The following ZFPM2 variants were observed in gnomAD, a reference collection of about 807,000 sequenced individuals.
The protein encoded by ZFPM2 is zinc finger protein, FOG family member 2, also known as zinc finger protein ZFPM2.
ZFPM2 carries 20 observed loss-of-function variants against 98.6 expected under a neutral mutation model. That is an observed-to-expected ratio of 0.20 (90% CI 0.14 to 0.29). The LOEUF is 0.29. ZFPM2 is among the 10% of genes least tolerant of loss of function. The pLI is 1.00. For missense variants in ZFPM2, 1,310 were observed against 1,388.6 expected, an observed-to-expected ratio of 0.94 and a Z score of 0.90; for synonymous variants, 518 against 502.7, an observed-to-expected ratio of 1.03 and a Z score of -0.41.
At chr8:105,592,007 T>G (rs941724731) in intron 4 of ZFPM2, among the ~76,000 whole-genome samples, 4 of 152,132 alleles carry the variant, frequency 2.6e-5, no homozygotes, top group African/African-American at 9.7e-5. Context: ...ACAAGCAGCT[T>G]AGGGTTAATA....
In ZFPM2 at chr8:105,747,463, G is replaced by A. The variant is rs771825293; in HGVS notation, c.533-41255G>A. Among the ~76,000 whole-genome samples the A allele has an allele frequency of 5.7e-4, 86 of 152,062 alleles. 1 individual carries two copies. Among genetic ancestry groups the A allele is most frequent in the Non-Finnish European group, 1.8e-4 (12 of 67,996 alleles). ...TGAGTTAAGTTTTACCATTCATAAT[G>A]AATGCAGTCTCGCCATTCAAATGCA... On this transcript the variant is annotated intron_variant, in intron 5 of 7. Coordinates refer to ENST00000407775, the MANE Select transcript of ZFPM2 (RefSeq NM_012082.4).
intron 3 of ZFPM2, among the ~76,000 whole-genome samples, chr8:105,494,496 A>C (rs1234827466): frequency 6.6e-6 from 1 of 151,746 alleles, no homozygotes; most frequent in Non-Finnish European, 1.5e-5. Context: ...ACCATATTGG[A>C]CTATGCCATG....
At chr8:105,757,018 C>A (rs568538606) in intron 5 of ZFPM2, among the ~76,000 whole-genome samples, 1 of 152,234 alleles carries the variant, frequency 6.6e-6, no homozygotes, top group Non-Finnish European at 1.5e-5. Flanking sequence ...ACAGCTAATA[C>A]AAAGTGACAG....
intron 5 of ZFPM2, among the ~76,000 whole-genome samples, chr8:105,707,689 T>C (rs117988540): frequency 9.8e-5 from 15 of 152,334 alleles, no homozygotes; most frequent in Middle Eastern, 3.4e-3. Context: ...AGGAAGCACA[T>C]TGTTTAGTCA....
chr8:105,644,061 G>A (rs960697778), intron 5 of ZFPM2, among the ~76,000 whole-genome samples: 2 of 152,052 alleles, frequency 1.3e-5, no homozygotes, highest in Non-Finnish European at 2.9e-5. Context: ...GGTTCTTCAT[G>A]GAAAAACTTG....
intron 5 of ZFPM2, among the ~76,000 whole-genome samples, chr8:105,767,701 G>T (rs1356324480): frequency 6.6e-6 from 1 of 151,770 alleles, no homozygotes; most frequent in Non-Finnish European, 1.5e-5. Flanking sequence ...AGACAATCAG[G>T]GAATATAAAA....
intron 3 of ZFPM2, among the ~76,000 whole-genome samples, chr8:105,483,420 T>A (rs1452177184): frequency 1.3e-5 from 2 of 151,664 alleles, no homozygotes; most frequent in East Asian, 4.0e-4. Context: ...TGAAACCCCA[T>A]CTCTACTAAA....
chr8:105,587,105 T>C (rs1426135048), intron 4 of ZFPM2, among the ~76,000 whole-genome samples: 1 of 151,006 alleles, frequency 6.6e-6, no homozygotes, highest in African/African-American at 2.4e-5. Flanking sequence ...TGAAACCCCG[T>C]CTCTACTAAA....
At chr8:105,501,555 G>A (rs1411077055) in intron 3 of ZFPM2, among the ~76,000 whole-genome samples, 1 of 150,674 alleles carries the variant, frequency 6.6e-6, no homozygotes, top group East Asian at 2.0e-4. Context: ...CCAGGCTGGA[G>A]TGCAGTGGCA....
chr8:105,766,467 G>T, intron 5 of ZFPM2, among the ~76,000 whole-genome samples: 1 of 151,888 alleles, frequency 6.6e-6, no homozygotes, highest in Non-Finnish European at 1.5e-5. Flanking sequence ...AACAGGATCA[G>T]ACTTGTGTTT....
rs750518518 is a variant in ZFPM2 at position 105,441,331 on chromosome 8, CAAT to C, written c.200-2946_200-2944del. 8.6e-5 allele frequency among the ~76,000 whole-genome samples: 13 copies of C among 150,544 alleles called. No individual in the cohort carries two copies. The South Asian group carries it at 1.3e-3, about 15-fold the overall frequency. On this transcript the variant is annotated intron_variant, in intron 2 of 7. Transcript: ENST00000407775. ...CAGTTCCTTAAACATAGTAGATGCTCAATAAATATTTTATGGAGGGAATTTCAT... is the reference window on the plus strand; with the variant it reads ...CAGTTCCTTAAACATAGTAGATGCTCAAATATTTTATGGAGGGAATTTCAT...
intron 1 of ZFPM2, among the ~76,000 whole-genome samples, chr8:105,403,543 T>C (rs1487906193): frequency 1.3e-5 from 2 of 152,154 alleles, no homozygotes; most frequent in Admixed American, 1.3e-4. Flanking sequence ...AAAATCATTT[T>C]ATAAAGTAAT....
At chr8:105,708,428 A>ATTGTTTGT (rs897594788) in intron 5 of ZFPM2, among the ~76,000 whole-genome samples, 1 of 151,114 alleles carries the variant, frequency 6.6e-6, no homozygotes, top group Non-Finnish European at 1.5e-5. Flanking sequence ...TTTCGTTGCC[A>ATTGTTTGT]TTGTTTGTTT....
chr8:105,718,681 A>G (rs1811584134), intron 5 of ZFPM2, among the ~76,000 whole-genome samples: 1 of 151,926 alleles, frequency 6.6e-6, no homozygotes, highest in Non-Finnish European at 1.5e-5. Context: ...ATACAGTGGA[A>G]TTACTGTTCT....
chr8:105,416,007 A>C (rs1029600527), intron 1 of ZFPM2, among the ~76,000 whole-genome samples: 4 of 152,024 alleles, frequency 2.6e-5, no homozygotes, highest in Admixed American at 2.6e-4. Flanking sequence ...TTCATTTTTA[A>C]ACATATAGGT....
chr8:105,358,180 G>A (rs1348378848), intron 1 of ZFPM2, among the ~76,000 whole-genome samples: 1 of 151,932 alleles, frequency 6.6e-6, no homozygotes, highest in Non-Finnish European at 1.5e-5. Context: ...CTAGTGTGTC[G>A]TAAAACTGGA....
intron 4 of ZFPM2, among the ~76,000 whole-genome samples, chr8:105,604,057 C>T (rs1268039465): frequency 6.6e-6 from 1 of 152,112 alleles, no homozygotes; most frequent in South Asian, 2.1e-4. Context: ...GATCCAGACT[C>T]ATATTTGTAA....
At chr8:105,346,698 G>C (rs1351493639) in intron 1 of ZFPM2, among the ~76,000 whole-genome samples, 2 of 152,176 alleles carry the variant, frequency 1.3e-5, no homozygotes, top group African/African-American at 4.8e-5. Flanking sequence ...ATGTAGGACA[G>C]GGATAATTAG....
At chr8:105,728,973 G>A (rs1285473846) in intron 5 of ZFPM2, among the ~76,000 whole-genome samples, 1 of 151,622 alleles carries the variant, frequency 6.6e-6, no homozygotes, top group Non-Finnish European at 1.5e-5. Context: ...AAGGCTTTGA[G>A]TGTTTAGGTG....
Sources: gnomAD v4.1 joint callset for allele counts (sites outside exome capture counted in the v4.1 genomes callset) on GRCh38, gnomAD v4.1.1 for gene constraint, MANE v1.5 for transcripts, NCBI Gene and HGNC (gene_info 2026-07-23, HGNC 2026-07-21) for gene names.